The following CFAP251 variants were observed in gnomAD, a reference collection of about 807,000 sequenced individuals.
The protein encoded by CFAP251 is cilia and flagella associated protein 251, also known as cilia- and flagella-associated protein 251.
In CFAP251, 93 loss-of-function variants were observed where a neutral mutation model predicts 126.7. That is an observed-to-expected ratio of 0.73 (90% CI 0.62 to 0.87). The LOEUF (loss-of-function observed/expected upper bound fraction) is 0.87, where lower values mean the gene tolerates loss of function less well. CFAP251 is among the 40% of genes least tolerant of loss of function. CFAP251 has a pLI of 0.00. For missense variants in CFAP251, 1,287 were observed against 1,389.2 expected (o/e 0.93, Z 1.17); for synonymous variants, 503 against 506.9 (o/e 0.99, Z 0.10).
intron 16 of CFAP251, 37 bp from the exon 17 acceptor site, chr12:121,967,969 C>T (rs745627219): frequency 1.3e-6 from 2 of 1,572,400 alleles, no homozygotes; most frequent in Non-Finnish European, 1.7e-6. Context: ...GGCCCAGCTA[C>T]CTGAGTCTGA....
At chr12:121,939,264 C>T (rs1005251971) in intron 5 of CFAP251, among the ~76,000 whole-genome samples, 2 of 152,120 alleles carry the variant, frequency 1.3e-5, no homozygotes, top group African/African-American at 4.8e-5. Context: ...ACAGGGGACA[C>T]GCACCCTGCA....
intron 15 of CFAP251, among the ~76,000 whole-genome samples, chr12:121,962,672 A>T (rs1326786986): frequency 4.7e-5 from 7 of 149,472 alleles, no homozygotes; most frequent in Non-Finnish European, 4.4e-5. Flanking sequence ...GGTAGTAGGT[A>T]TGTGGTAATC....
Position 121,922,876 on chromosome 12 carries a change from G to A in CFAP251, c.379-746G>A, listed in dbSNP as rs1270927440. 3.9e-5 allele frequency among the ~76,000 whole-genome samples: 6 copies of A among 152,128 alleles called. No individual in the cohort carries two copies. In the East Asian group the frequency reaches 1.2e-3, roughly 30 times the overall value. On this transcript the variant is annotated intron_variant, in intron 2 of 21. Coordinates refer to ENST00000288912, the MANE Select transcript of CFAP251 (RefSeq NM_144668.6). ...GCAATCTTGGCTCACTGCAAGCTCC[G>A]CCTCCTGGGTTCATGCTATTCTCCT...
chr12:121,970,413 G>T (rs1882293799), intron 17 of CFAP251, among the ~76,000 whole-genome samples: 1 of 152,130 alleles, frequency 6.6e-6, no homozygotes, highest in Non-Finnish European at 1.5e-5. Flanking sequence ...CTTGCTGGAT[G>T]ACGCCAGGCA....
In CFAP251 at chr12:121,942,956, C is replaced by T. The variant is rs1881184319; in HGVS notation, c.1172C>T (p.Pro391Leu). 1.2e-6 allele frequency: 2 copies of T among 1,614,144 alleles called. No homozygotes were observed. Among genetic ancestry groups the T allele is most frequent in the Non-Finnish European group, 1.7e-6 (2 of 1,180,028 alleles). ...VETPACTLELPTEYGVQNYVT... is the reference protein window; with the variant it reads ...VETPACTLELLTEYGVQNYVT... Reference sequence around the variant, plus strand: ...ACGCCAGCATGCACTCTCGAACTCCCCACAGAGTACGGTGTTCAGGTGAGT... The same window carrying T: ...ACGCCAGCATGCACTCTCGAACTCCTCACAGAGTACGGTGTTCAGGTGAGT... Residue 391 changes from proline (P) to leucine (L), a missense_variant, in exon 7 of 22, where the codon CCC becomes CTC. Pro to Leu is a moderately conservative substitution (Grantham distance 98). Transcript: ENST00000288912.
chr12:121,978,523 T>G (rs2135802251), intron 19 of CFAP251, among the ~76,000 whole-genome samples: 1 of 151,506 alleles, frequency 6.6e-6, no homozygotes, highest in South Asian at 2.1e-4. Context: ...TACTCAGAGA[T>G]CATCACTGTT....
chr12:121,924,905 C>G (rs1013607399), intron 3 of CFAP251, among the ~76,000 whole-genome samples: 3 of 151,994 alleles, frequency 2.0e-5, no homozygotes, highest in Admixed American at 2.0e-4. Context: ...AACTCCATTC[C>G]GCCCCTTTCC....
intron 7 of CFAP251, among the ~76,000 whole-genome samples, chr12:121,944,364 C>G (rs778067569): frequency 3.9e-5 from 6 of 152,144 alleles, no homozygotes; most frequent in Non-Finnish European, 5.9e-5. Context: ...TGTGTTAACA[C>G]AGTAGCCACC....
At chr12:121,924,107 A>T in intron 3 of CFAP251, 117 bp downstream of exon 3, 1 of 1,290,570 alleles carries the variant, frequency 7.7e-7, no homozygotes, top group South Asian at 1.5e-5. Context: ...TTAAACTAAT[A>T]ATAGACTTGT....
chr12:121,985,935 C>T (rs1056972058), intron 19 of CFAP251, among the ~76,000 whole-genome samples: 2 of 152,082 alleles, frequency 1.3e-5, no homozygotes, highest in African/African-American at 4.8e-5. Flanking sequence ...GTGGAAGGAC[C>T]GCTTGTCCTT....
At chr12:121,993,984 C>T (rs1882957707) in intron 19 of CFAP251, among the ~76,000 whole-genome samples, 1 of 52,410 alleles carries the variant, frequency 1.9e-5, no homozygotes, top group Non-Finnish European at 6.1e-5. Context: ...GGGGGGTCAG[C>T]CCCCCGCCCG....
chr12:122,003,584 C>G lies in CFAP251; in HGVS notation c.3338-68C>G. On this transcript the variant is annotated intron_variant, in intron 21 of 21. Coordinates refer to ENST00000288912, the MANE Select transcript of CFAP251 (RefSeq NM_144668.6). ...CAAGGCCCTGTCTCAAACCCCTCCC[C>G]TCACCCAAAAAAGAAAGAAACATAA... The G allele has an allele frequency of 1.1e-5, 15 of 1,343,886 alleles. No homozygotes were observed. In the South Asian group the frequency reaches 1.8e-4, roughly 17 times the overall value. The allele number at this position is 1,343,886 out of a possible 1,614,324, so 83.2% of individuals were successfully genotyped here. A position where few individuals can be genotyped will look rare whatever the true frequency, so the allele number is the denominator to read the frequency against.
intron 7 of CFAP251, among the ~76,000 whole-genome samples, chr12:121,946,203 T>C (rs1881321958): frequency 6.6e-6 from 1 of 152,226 alleles, no homozygotes; most frequent in Admixed American, 6.5e-5. Flanking sequence ...TTTCTTCCAC[T>C]CAGTTTTGTT....
chr12:121,990,738 C>T (rs1159548866), intron 19 of CFAP251, among the ~76,000 whole-genome samples: 3 of 152,182 alleles, frequency 2.0e-5, no homozygotes, highest in African/African-American at 7.2e-5. Context: ...AGTATTTTTA[C>T]ACCTGATTTT....
At chr12:121,961,739 T>C (rs1001941196) in intron 14 of CFAP251, among the ~76,000 whole-genome samples, 1 of 152,222 alleles carries the variant, frequency 6.6e-6, no homozygotes, top group Non-Finnish European at 1.5e-5. Flanking sequence ...GAGGATGACA[T>C]GACAGCTGTT....
At chr12:121,993,114 A>T (rs2135813789) in intron 19 of CFAP251, among the ~76,000 whole-genome samples, 2 of 136,036 alleles carry the variant, frequency 1.5e-5, no homozygotes, top group Admixed American at 7.2e-5. Flanking sequence ...AGTGCCTGCG[A>T]TTGCAGGCAC....
At chr12:122,002,591 A>G (rs1051293649) in intron 21 of CFAP251, among the ~76,000 whole-genome samples, 5 of 152,098 alleles carry the variant, frequency 3.3e-5, no homozygotes, top group African/African-American at 1.2e-4. Flanking sequence ...AGAGAGCATC[A>G]ACTTGGTGGG....
chr12:121,944,925 G>C (rs1881259149), intron 7 of CFAP251, among the ~76,000 whole-genome samples: 1 of 152,096 alleles, frequency 6.6e-6, no homozygotes, highest in South Asian at 2.1e-4. Context: ...TGGGACTACA[G>C]GTGCACACTA....
At chr12:121,929,769 C>G (rs990955912) in intron 3 of CFAP251, among the ~76,000 whole-genome samples, 3 of 151,954 alleles carry the variant, frequency 2.0e-5, no homozygotes, top group Non-Finnish European at 4.4e-5. Flanking sequence ...CCTCCGCCTC[C>G]TGGGTTCAAG....
Sources: gnomAD v4.1 joint callset for allele counts (sites outside exome capture counted in the v4.1 genomes callset) on GRCh38, gnomAD v4.1.1 for gene constraint, MANE v1.5 for transcripts, NCBI Gene and HGNC (gene_info 2026-07-23, HGNC 2026-07-21) for gene names.